The following FBXO7 variants were observed in gnomAD, a reference collection of about 807,000 sequenced individuals.
FBXO7 encodes the protein F-box protein 7.
In FBXO7, 31 loss-of-function variants were observed where a neutral mutation model predicts 50.2. The observed-to-expected ratio is 0.62, with a 90% confidence interval of 0.46 to 0.83. The LOEUF is 0.83. Ranked by LOEUF, FBXO7 falls within the 40% of genes least tolerant of loss-of-function variation. FBXO7 has a pLI of 0.00. For missense variants in FBXO7, 667 were observed against 646.6 expected (o/e 1.03, Z -0.34); for synonymous variants, 256 against 253.1 (o/e 1.01, Z -0.11).
At chr22:32,487,635 A>G (rs2145996531) in intron 4 of FBXO7, 110 bp from the exon 5 acceptor site, 1 of 721,296 alleles carries the variant, frequency 1.4e-6, no homozygotes, top group East Asian at 2.7e-5. Flanking sequence ...TGTTTTGTAT[A>G]ATGTGTCCTT....
At chr22:32,492,050 C>A (rs1362915915) in intron 6 of FBXO7, 1 of 152,038 alleles carries the variant, frequency 6.6e-6, no homozygotes, top group Non-Finnish European at 1.5e-5. Flanking sequence ...CACTTCCACT[C>A]ACGTTTTGTC....
At chr22:32,489,503 C>A (rs981487093) in intron 5 of FBXO7, 2 of 152,272 alleles carry the variant, frequency 1.3e-5, no homozygotes, top group East Asian at 3.9e-4. Context: ...GTTTTATGCC[C>A]ATTTTATAGA....
chr22:32,474,813 T>C lies in FBXO7; in HGVS notation c.-190T>C. 1.7e-6 allele frequency: 1 copy of C among 597,566 alleles called. No individual in the cohort carries two copies. Among genetic ancestry groups the C allele is most frequent in the Admixed American group, 3.4e-5 (1 of 29,768 alleles). The allele number at this position is 597,566 out of a possible 1,614,324, so 37.0% of individuals were successfully genotyped here. A position where few individuals can be genotyped will look rare whatever the true frequency, so the allele number is the denominator to read the frequency against. ...GCGCCCTCAGGAGAGGGGCGGGCGCTCTATTCCAGAGACCGAGTGGCAGGG... is the reference window on the plus strand; with the variant it reads ...GCGCCCTCAGGAGAGGGGCGGGCGCCCTATTCCAGAGACCGAGTGGCAGGG... On this transcript the variant is annotated 5_prime_UTR_variant, in exon 1 of 9. Coordinates refer to ENST00000266087, the MANE Select transcript of FBXO7 (RefSeq NM_012179.4).
In FBXO7 at chr22:32,484,245, C is replaced by CTA. The variant is rs947767980; in HGVS notation, c.645+125_645+126dup. ...AGAGACAAAAATATAAAGCACTGTG[C>CTA]TATATTGGTGAAGTTCTGGGAGAAA... On this transcript the variant is annotated intron_variant, in intron 3 of 8. Transcript: ENST00000266087. 69 of 822,924 alleles carry CTA rather than the reference C, an allele frequency of 8.4e-5. No homozygotes were observed. In the African/African-American group the frequency reaches 1.1e-3, roughly 13 times the overall value. The allele number at this position is 822,924 out of a possible 1,614,324, so 51.0% of individuals were successfully genotyped here.
intron 2 of FBXO7, among the ~76,000 whole-genome samples, chr22:32,483,320 C>G (rs16990574): frequency 0.15 from 22,270 of 152,204 alleles, 1,725 homozygotes; most frequent in African/African-American, 0.18. Flanking sequence ...ATTCCGTGTG[C>G]ACCACCTTTT....
chr22:32,489,701 A>G (rs1309972155), intron 5 of FBXO7: 1 of 152,208 alleles, frequency 6.6e-6, no homozygotes, highest in South Asian at 2.1e-4. Context: ...GGAAGGGAGG[A>G]GGAACATTAA....
At position 32,495,485 on chromosome 22, in the gene FBXO7, C is replaced by T. The variant is rs751528878; in HGVS notation, c.1145-8C>T. On this transcript the variant is annotated splice_region_variant and splice_polypyrimidine_tract_variant and intron_variant, in intron 7 of 8. Transcript: ENST00000266087. Reference sequence around the variant, plus strand: ...TTTAAATCCTTATTTTTCCCTTTTCCTTTGTAGACAATACTGTCAGAGTTC... The same window carrying T: ...TTTAAATCCTTATTTTTCCCTTTTCTTTTGTAGACAATACTGTCAGAGTTC... 4 of 1,567,252 alleles carry T rather than the reference C, an allele frequency of 2.6e-6. No homozygotes were observed.
In FBXO7 at chr22:32,498,426, C is replaced by T. The variant is rs758618686; in HGVS notation, c.1465C>T (p.Pro489Ser). ...RPRFDPVGPL[P>S]GPNPILPGRG... is the part of the protein sequence containing the mutation. ...ACGCTTTGATCCAGTTGGCCCACTT[C>T]CAGGACCTAACCCCATCTTGCCAGG... Residue 489 changes from proline (P) to serine (S), a missense_variant, in exon 9 of 9, where the codon CCA becomes TCA. Physicochemically the swap from Pro to Ser is moderately conservative, Grantham distance 74. Transcript: ENST00000266087. The T allele has an allele frequency of 1.2e-6, 2 of 1,614,080 alleles. No homozygotes were observed. The highest frequency in any genetic ancestry group is 1.7e-5 in the Admixed American group (1 of 60,006).
intron 8 of FBXO7, 100 bp from the exon 9 acceptor site, chr22:32,498,044 G>T (rs911450252): frequency 7.8e-7 from 1 of 1,287,820 alleles, no homozygotes; most frequent in African/African-American, 1.5e-5. Flanking sequence ...TATGTCTGAG[G>T]TGTGCCTATA....
At chr22:32,497,599 A>G (rs904917892) in intron 8 of FBXO7, among the ~76,000 whole-genome samples, 1 of 152,264 alleles carries the variant, frequency 6.6e-6, no homozygotes, top group African/African-American at 2.4e-5. Context: ...TTTAGTTGAC[A>G]AAACAGAAGC....
chr22:32,498,117 G>C (rs768459847), intron 8 of FBXO7, 27 bp from the exon 9 acceptor site: 2 of 1,612,560 alleles, frequency 1.2e-6, no homozygotes, highest in Non-Finnish European at 1.7e-6. Context: ...ACCTTATCTT[G>C]TTCTTTTATT....
At chr22:32,475,339 C>T in intron 1 of FBXO7, 1 of 1,608,192 alleles carries the variant, frequency 6.2e-7, no homozygotes, top group South Asian at 1.1e-5. Flanking sequence ...GGGTGGTCGG[C>T]TGGGGTCCGG....
At chr22:32,489,619 A>T (rs1020718530) in intron 5 of FBXO7, 3 of 152,240 alleles carry the variant, frequency 2.0e-5, no homozygotes, top group African/African-American at 7.2e-5. Flanking sequence ...GCCTTTTAAA[A>T]CAACTTTTAC....
chr22:32,498,128 T>G lies in FBXO7; in HGVS notation c.1183-16T>G. ...ACTTACCTTATCTTGTTCTTTTATT[T>G]TTCTTTTTTCTACAGCTGTACAGGA... On this transcript the variant is annotated splice_polypyrimidine_tract_variant and intron_variant, in intron 8 of 8. Transcript: ENST00000266087. 1 of 1,613,954 alleles carries G rather than the reference T, an allele frequency of 6.2e-7. No homozygotes were observed. The highest frequency in any genetic ancestry group is 1.3e-5 in the African/African-American group (1 of 75,054).
At chr22:32,479,383 T>C (rs941386744) in intron 2 of FBXO7, 108 bp downstream of exon 2, 20 of 1,000,950 alleles carry the variant, frequency 2.0e-5, no homozygotes, top group Non-Finnish European at 2.6e-5. Context: ...AGATTGCACA[T>C]TTTATATATA....
At chr22:32,485,490 C>T (rs1034716267) in intron 4 of FBXO7, among the ~76,000 whole-genome samples, 5 of 151,836 alleles carry the variant, frequency 3.3e-5, no homozygotes, top group Non-Finnish European at 5.9e-5. Flanking sequence ...TAATATTATC[C>T]AATATTATCA....
chr22:32,479,053 A>G lies in FBXO7; in HGVS notation c.195A>G (p.Ser65=). The change falls in exon 2 of 9, where the codon TCA becomes TCG. Residue 65 remains serine, a synonymous_variant. Transcript: ENST00000266087. ...CTGGAGATGAAGAGACCTTGGCTTC[A>G]TATGGGATTGTTTCTGGGGACTTGA... ...PLTGDEETLA[S]YGIVSGDLIC... is the part of the protein sequence containing the mutation. 8 of 1,614,224 alleles carry G rather than the reference A, an allele frequency of 5.0e-6. No individual in the cohort carries two copies. Among genetic ancestry groups the G allele is most frequent in the Non-Finnish European group, 6.8e-6 (8 of 1,180,032 alleles).
In FBXO7 at chr22:32,498,400, C is replaced by T. The variant is rs1456246807; in HGVS notation, c.1439C>T (p.Pro480Leu). 1.9e-6 allele frequency: 3 copies of T among 1,614,176 alleles called. No homozygotes were observed. The highest frequency in any genetic ancestry group is 2.5e-6 in the Non-Finnish European group (3 of 1,180,042). ...CCCAGCCAGTTTCCTCCACTGAGAC[C>T]ACGCTTTGATCCAGTTGGCCCACTT... is the stretch of plus-strand genomic sequence containing the variant. ...ETPSQFPPLR[P>L]RFDPVGPLPG... Residue 480 changes from proline (P) to leucine (L), a missense_variant, in exon 9 of 9, where the codon CCA (proline) becomes CTA (leucine). Pro to Leu is a moderately conservative substitution (Grantham distance 98, BLOSUM62 -3). Transcript: ENST00000266087.
chr22:32,495,597 A>G lies in FBXO7; in HGVS notation c.1182+67A>G. 7 of 839,384 alleles carry G rather than the reference A, an allele frequency of 8.3e-6. No homozygotes were observed. In the South Asian group the frequency reaches 1.4e-4, roughly 16 times the overall value. 52.0% of individuals were successfully genotyped at this position (839,384 alleles called of 1,614,324 possible). The stretch of plus-strand genomic sequence containing the variant: ...AAATGACTAGTGAATTAATATATTA[A>G]GGGTATATTTTCACTTTTATATGAT... On this transcript the variant is annotated intron_variant, in intron 8 of 8. Transcript: ENST00000266087.
Sources: gnomAD v4.1 joint callset for allele counts (sites outside exome capture counted in the v4.1 genomes callset) on GRCh38, gnomAD v4.1.1 for gene constraint, MANE v1.5 for transcripts, NCBI Gene and HGNC (gene_info 2026-07-23, HGNC 2026-07-21) for gene names.